The following JAZF1 variants were observed in gnomAD, a reference collection of about 807,000 sequenced individuals.
The protein encoded by JAZF1 is juxtaposed with another zinc finger protein 1.
In JAZF1, 8 loss-of-function variants were observed where a neutral mutation model predicts 26.4. That is an observed-to-expected ratio of 0.30 (90% CI 0.18 to 0.55). JAZF1 has a LOEUF of 0.55. Ranked by LOEUF, JAZF1 falls within the 20% of genes least tolerant of loss-of-function variation. The probability of loss-of-function intolerance (pLI) is 0.94; values close to 1 mark genes in which losing one functional copy is unlikely to be tolerated. For missense variants in JAZF1, 199 were observed against 322.0 expected, an observed-to-expected ratio of 0.62 and a Z score of 2.92; for synonymous variants, 126 against 122.3, an observed-to-expected ratio of 1.03 and a Z score of -0.20.
intron 1 of JAZF1, among the ~76,000 whole-genome samples, chr7:28,091,116 G>A (rs1032189950): frequency 8.3e-4 from 126 of 152,062 alleles, no homozygotes; most frequent in Middle Eastern, 6.8e-3. Flanking sequence ...GTGAGCCACC[G>A]CGCCCGGCCT....
At chr7:27,977,446 G>C (rs868181857) in intron 2 of JAZF1, among the ~76,000 whole-genome samples, 5 of 152,142 alleles carry the variant, frequency 3.3e-5, no homozygotes, top group Non-Finnish European at 2.9e-5. Flanking sequence ...TCATACCCTA[G>C]AGCAAAGTCC....
chr7:28,158,969 C>A (rs1234865521), intron 1 of JAZF1, among the ~76,000 whole-genome samples: 1 of 152,138 alleles, frequency 6.6e-6, no homozygotes, highest in Non-Finnish European at 1.5e-5. Flanking sequence ...TATGTGCCAG[C>A]CACTGTCCTG....
At chr7:28,123,416 G>A (rs1320008388) in intron 1 of JAZF1, among the ~76,000 whole-genome samples, 1 of 152,182 alleles carries the variant, frequency 6.6e-6, no homozygotes, top group Non-Finnish European at 1.5e-5. Context: ...GATATGACCT[G>A]ATTAAAGTCT....
chr7:27,988,477 C>A (rs1293750201), intron 2 of JAZF1, among the ~76,000 whole-genome samples: 1 of 151,526 alleles, frequency 6.6e-6, no homozygotes, highest in East Asian at 1.9e-4. Context: ...TGGGCTCAAA[C>A]CATCCTCCCG....
intron 1 of JAZF1, among the ~76,000 whole-genome samples, chr7:27,999,855 T>C (rs185404437): frequency 1.3e-5 from 2 of 152,294 alleles, no homozygotes; most frequent in Non-Finnish European, 2.9e-5. Context: ...AACAGGCCCA[T>C]GGTAAATGAC....
chr7:27,934,485 A>C (rs138982546), intron 2 of JAZF1, among the ~76,000 whole-genome samples: 42 of 134,056 alleles, frequency 3.1e-4, no homozygotes, highest in Middle Eastern at 3.9e-3. Flanking sequence ...ACACACACAC[A>C]CCCCATATAT....
At chr7:27,846,311 TTGTG>T (rs145360958) in intron 3 of JAZF1, among the ~76,000 whole-genome samples, 2,749 of 151,312 alleles carry the variant, frequency 0.018, 45 homozygotes, top group East Asian at 0.084. Flanking sequence ...TAGTATTCCA[TTGTG>T]TGTGTGTGTA....
At chr7:28,149,730 C>CTA (rs1783080097) in intron 1 of JAZF1, among the ~76,000 whole-genome samples, 1 of 152,200 alleles carries the variant, frequency 6.6e-6, no homozygotes, top group Admixed American at 6.5e-5. Context: ...TGAGAGCTGT[C>CTA]TAAAACGAAT....
intron 1 of JAZF1, among the ~76,000 whole-genome samples, chr7:28,101,166 T>C (rs1339757897): frequency 6.6e-6 from 1 of 152,124 alleles, no homozygotes; most frequent in Non-Finnish European, 1.5e-5. Context: ...GGTGGAACCC[T>C]TTTTTTATCC....
At chr7:27,965,578 T>C (rs1485649822) in intron 2 of JAZF1, among the ~76,000 whole-genome samples, 2 of 152,348 alleles carry the variant, frequency 1.3e-5, no homozygotes, top group Non-Finnish European at 2.9e-5. Flanking sequence ...ATATGAGACA[T>C]CTTTTTGGAA....
At chr7:28,014,094 A>T (rs776074753) in intron 1 of JAZF1, among the ~76,000 whole-genome samples, 10 of 143,730 alleles carry the variant, frequency 7.0e-5, no homozygotes, top group Non-Finnish European at 1.4e-4. Context: ...CAAGCTTCCA[A>T]CAGCCATCCA....
chr7:28,010,156 G>T (rs1782774926), intron 1 of JAZF1, among the ~76,000 whole-genome samples: 3 of 152,080 alleles, frequency 2.0e-5, no homozygotes, highest in African/African-American at 7.2e-5. Flanking sequence ...CCTGTTCCCT[G>T]TGCCAAGCAC....
At chr7:27,918,093 C>T (rs1201611969) in intron 2 of JAZF1, among the ~76,000 whole-genome samples, 1 of 152,114 alleles carries the variant, frequency 6.6e-6, no homozygotes, top group Non-Finnish European at 1.5e-5. Flanking sequence ...AGTGAAGGAG[C>T]AGGGCCTCTC....
rs141001241 is a variant in JAZF1, at chr7:28,066,794, T to A, written c.116-74813A>T. Among the ~76,000 whole-genome samples the A allele has an allele frequency of 1.3e-3, 192 of 152,188 alleles. 2 individuals are homozygous for A. The East Asian group carries it at 0.032, about 26-fold the overall frequency. Reference sequence around the variant, plus strand: ...GGGTGGCTGCTGCTGTTGATTTGATTGTTACTGCTGTTTTAAAACTCTAAT... The same window carrying A: ...GGGTGGCTGCTGCTGTTGATTTGATAGTTACTGCTGTTTTAAAACTCTAAT... On this transcript the variant is annotated intron_variant, in intron 1 of 4. Transcript: ENST00000283928.
intron 1 of JAZF1, among the ~76,000 whole-genome samples, chr7:28,053,059 G>A (rs560522126): frequency 6.6e-6 from 1 of 152,254 alleles, no homozygotes; most frequent in East Asian, 1.9e-4. Context: ...TACATCATAT[G>A]CTTTGACTCA....
In JAZF1 at chr7:27,887,146, G is replaced by C. The variant is rs147345741; in HGVS notation, c.385+8074C>G. 2.4e-3 allele frequency among the ~76,000 whole-genome samples: 361 copies of C among 152,206 alleles called. 4 individuals are homozygous for C. The South Asian group carries it at 0.041, about 17-fold the overall frequency. The stretch of plus-strand genomic sequence containing the variant: ...GTGGAGGGTAAAGGGTGGGAGGAGG[G>C]AGAGGATCAGGAAAAATAATTAATG... On this transcript the variant is annotated intron_variant, in intron 3 of 4. Coordinates refer to ENST00000283928, the MANE Select transcript of JAZF1 (RefSeq NM_175061.4).
At position 28,174,823 on chromosome 7, in the gene JAZF1, T is replaced by TGG. The variant is rs1783525364; in HGVS notation, c.115+5639_115+5640insCC. On this transcript the variant is annotated intron_variant, in intron 1 of 4. Coordinates refer to ENST00000283928, the MANE Select transcript of JAZF1 (RefSeq NM_175061.4). Reference sequence around the variant, plus strand: ...TGATCCTGCCTATGGGGTGTGTGGGTGTGTGTGTGTGTGTGTGTGTGTGTG... The same window carrying TGG: ...TGATCCTGCCTATGGGGTGTGTGGGTGGGTGTGTGTGTGTGTGTGTGTGTGTG... 3.4e-5 allele frequency among the ~76,000 whole-genome samples: 3 copies of TGG among 89,400 alleles called. 1 individual carries two copies. The highest frequency in any genetic ancestry group is 9.8e-5 in the Non-Finnish European group (3 of 30,706). The allele number at this position is 89,400 out of a possible 152,430, so 58.6% of individuals were successfully genotyped here.
intron 1 of JAZF1, among the ~76,000 whole-genome samples, chr7:28,073,992 AT>A (rs1047106210): frequency 3.4e-5 from 5 of 148,188 alleles, no homozygotes; most frequent in Non-Finnish European, 6.0e-5. Context: ...AAAAAAAAAA[AT>A]CAGAGGTGAG....
intron 1 of JAZF1, among the ~76,000 whole-genome samples, chr7:28,164,032 T>C (rs1783329376): frequency 6.6e-6 from 1 of 152,250 alleles, no homozygotes; most frequent in Admixed American, 6.5e-5. Context: ...CTTCTGTGGT[T>C]TGGCTTGACA....
Sources: allele counts gnomAD v4.1 joint callset (sites outside exome capture counted in the v4.1 genomes callset), GRCh38; gene constraint gnomAD v4.1.1; transcripts MANE v1.5; gene names NCBI Gene and HGNC (gene_info 2026-07-23, HGNC 2026-07-21).